The following CNTN5 variants were observed in gnomAD, a reference collection of about 807,000 sequenced individuals.
The protein encoded by CNTN5 is contactin-5.
In CNTN5, 77 loss-of-function variants were observed where a neutral mutation model predicts 129.1. The ratio of observed to expected loss-of-function variants is 0.60; its 90% CI spans 0.50 to 0.72. The LOEUF (loss-of-function observed/expected upper bound fraction) is 0.72. Among genes scored for constraint, CNTN5 ranks in the 30% least tolerant of loss-of-function variants. CNTN5 has a pLI of 0.00. For missense variants in CNTN5, 1,478 were observed against 1,328.8 expected (o/e 1.11, Z -1.75); for synonymous variants, 509 against 465.6 (o/e 1.09, Z -1.20).
intron 2 of CNTN5, among the ~76,000 whole-genome samples, chr11:99,536,854 T>TA (rs5793993): frequency 0.58 from 80,644 of 139,994 alleles, 23,112 homozygotes; most frequent in East Asian, 0.75. Context: ...GTAGTCACAT[T>TA]AAAAAAAAAA....
chr11:100,298,609 T>C (rs999940106), intron 19 of CNTN5, among the ~76,000 whole-genome samples: 1 of 151,378 alleles, frequency 6.6e-6, no homozygotes, highest in African/African-American at 2.4e-5. Context: ...TACTCCTTTC[T>C]ATGGTGTGCA....
At chr11:99,902,271 A>G (rs958805380) in intron 6 of CNTN5, among the ~76,000 whole-genome samples, 15 of 149,470 alleles carry the variant, frequency 1.0e-4, no homozygotes, top group African/African-American at 3.0e-4. Flanking sequence ...ACATTTTTAA[A>G]TGTTTGAAAA....
chr11:99,932,554 C>T (rs1950217034), intron 7 of CNTN5, among the ~76,000 whole-genome samples: 1 of 152,066 alleles, frequency 6.6e-6, no homozygotes, highest in African/African-American at 2.4e-5. Flanking sequence ...ATACATATTT[C>T]TTGGGCTCTA....
intron 3 of CNTN5, among the ~76,000 whole-genome samples, chr11:99,814,421 G>C (rs991412344): frequency 2.6e-5 from 4 of 152,236 alleles, no homozygotes; most frequent in African/African-American, 9.6e-5. Flanking sequence ...GAGAGTAAAT[G>C]GACCAGGAAA....
chr11:99,377,530 A>G (rs1030716708), intron 2 of CNTN5, among the ~76,000 whole-genome samples: 1 of 151,998 alleles, frequency 6.6e-6, no homozygotes, highest in African/African-American at 2.4e-5. Flanking sequence ...AACTTTTTCT[A>G]TGAATTAGAA....
chr11:99,640,496 A>G (rs1161458585), intron 3 of CNTN5, among the ~76,000 whole-genome samples: 1 of 152,166 alleles, frequency 6.6e-6, no homozygotes, highest in East Asian at 1.9e-4. Flanking sequence ...CCCATGATTC[A>G]ATTACCTCCT....
chr11:99,945,489 C>T (rs77276811), intron 7 of CNTN5, among the ~76,000 whole-genome samples: 6 of 149,000 alleles, frequency 4.0e-5, no homozygotes, highest in South Asian at 4.3e-4. Flanking sequence ...AACCTCTGTG[C>T]GTGTGTGTGT....
intron 20 of CNTN5, among the ~76,000 whole-genome samples, chr11:100,301,382 C>T (rs1440853541): frequency 1.3e-5 from 2 of 151,454 alleles, no homozygotes. Context: ...TTTTCTTAAA[C>T]TTGAAATGGC....
chr11:99,839,991 C>A (rs1459858775), intron 4 of CNTN5, among the ~76,000 whole-genome samples: 1 of 151,606 alleles, frequency 6.6e-6, no homozygotes, highest in African/African-American at 2.4e-5. Flanking sequence ...AACTGAGTCA[C>A]AGAAAAAAAA....
At chr11:99,561,311 G>GTAAA (rs1179193860) in intron 3 of CNTN5, among the ~76,000 whole-genome samples, 8 of 151,636 alleles carry the variant, frequency 5.3e-5, no homozygotes, top group Non-Finnish European at 8.8e-5. Context: ...AAGTAAGTAA[G>GTAAA]TAAATAAATA....
intron 2 of CNTN5, among the ~76,000 whole-genome samples, chr11:99,446,867 C>T (rs1227743068): frequency 6.6e-6 from 1 of 152,164 alleles, no homozygotes; most frequent in South Asian, 2.1e-4. Context: ...TTTCTAGTAC[C>T]CTTCCCTACT....
At chr11:99,393,292 A>G (rs1430115576) in intron 2 of CNTN5, among the ~76,000 whole-genome samples, 2 of 151,820 alleles carry the variant, frequency 1.3e-5, no homozygotes, top group African/African-American at 2.4e-5. Context: ...AAAAAGGAGT[A>G]TGTTCAAAGA....
At chr11:100,035,670 G>A (rs1430470630) in intron 9 of CNTN5, among the ~76,000 whole-genome samples, 1 of 146,010 alleles carries the variant, frequency 6.8e-6, no homozygotes, top group African/African-American at 2.6e-5. Flanking sequence ...ATTCTAACTG[G>A]TGTGAGATGG....
At chr11:100,071,647 C>T (rs1453501321) in intron 11 of CNTN5, 58 bp from the exon 12 acceptor site, 3 of 1,337,896 alleles carry the variant, frequency 2.2e-6, no homozygotes, top group African/African-American at 1.5e-5. Context: ...AGAGAATACC[C>T]ATAAAATCCA....
chr11:99,840,220 T>C (rs1947440301), intron 4 of CNTN5, among the ~76,000 whole-genome samples: 2 of 152,130 alleles, frequency 1.3e-5, no homozygotes, highest in Admixed American at 6.5e-5. Flanking sequence ...GAACGTGTAA[T>C]TTGATACCTG....
At chr11:99,827,093 T>C (rs1193528261) in intron 4 of CNTN5, among the ~76,000 whole-genome samples, 1 of 152,176 alleles carries the variant, frequency 6.6e-6, no homozygotes, top group African/African-American at 2.4e-5. Context: ...TTTGTTTTTG[T>C]TTGTTTTAAT....
At chr11:99,112,824 T>C (rs1303852804) in intron 1 of CNTN5, among the ~76,000 whole-genome samples, 1 of 152,096 alleles carries the variant, frequency 6.6e-6, no homozygotes, top group South Asian at 2.1e-4. Flanking sequence ...TTGTCTAACA[T>C]TGATTTACAT....
intron 15 of CNTN5, among the ~76,000 whole-genome samples, chr11:100,211,486 G>T (rs1251486207): frequency 6.6e-6 from 1 of 151,984 alleles, no homozygotes; most frequent in African/African-American, 2.4e-5. Flanking sequence ...AAAAAAAAGT[G>T]GGGATTTTTT....
chr11:100,343,518 T>C (rs899076092), intron 23 of CNTN5, among the ~76,000 whole-genome samples: 1 of 152,128 alleles, frequency 6.6e-6, no homozygotes, highest in Non-Finnish European at 1.5e-5. Flanking sequence ...GTTTGGATTC[T>C]CCTCAGAACG....
Sources: gnomAD v4.1 joint callset for allele counts (sites outside exome capture counted in the v4.1 genomes callset) on GRCh38, gnomAD v4.1.1 for gene constraint, MANE v1.5 for transcripts, NCBI Gene and HGNC (gene_info 2026-07-23, HGNC 2026-07-21) for gene names.